Variants in BCHE observed in about 807,000 individuals in gnomAD.
The protein encoded by BCHE is butyrylcholinesterase.
In BCHE, 48 loss-of-function variants were observed where a neutral mutation model predicts 51.3. That is an observed-to-expected ratio of 0.94 (90% CI 0.74 to 1.19). The LOEUF (loss-of-function observed/expected upper bound fraction) is 1.19, where lower values mean the gene tolerates loss of function less well. Among genes scored for constraint, BCHE ranks in the 50% most tolerant of loss-of-function variants. BCHE has a pLI of 0.00. For missense variants in BCHE, 847 were observed against 708.2 expected (o/e 1.20, Z -2.23); for synonymous variants, 251 against 238.0 (o/e 1.05, Z -0.50).
chr3:165,794,790 C>A (rs1713307411), intron 2 of BCHE, among the ~76,000 whole-genome samples: 1 of 152,092 alleles, frequency 6.6e-6, no homozygotes, highest in Non-Finnish European at 1.5e-5. Context: ...GTGTTTGCAT[C>A]TCTGTATTCT....
chr3:165,785,785 C>A (rs1350437915), intron 3 of BCHE, among the ~76,000 whole-genome samples: 1 of 151,546 alleles, frequency 6.6e-6, no homozygotes, highest in Admixed American at 6.6e-5. Flanking sequence ...TAGTTCCATA[C>A]ATTATGATTA....
intron 2 of BCHE, chr3:165,828,024 A>C (rs756450299): frequency 4.4e-6 from 2 of 456,002 alleles, no homozygotes; most frequent in Non-Finnish European, 8.8e-6. Flanking sequence ...TCAAAACCAC[A>C]GGTTCTGTTT....
intron 1 of BCHE, among the ~76,000 whole-genome samples, chr3:165,831,874 T>C (rs774280138): frequency 2.0e-5 from 3 of 152,206 alleles, no homozygotes; most frequent in Non-Finnish European, 4.4e-5. Flanking sequence ...TGGGAGAAGA[T>C]TGTGGCTTAA....
At chr3:165,810,256 A>G (rs1056632261) in intron 2 of BCHE, among the ~76,000 whole-genome samples, 4 of 152,118 alleles carry the variant, frequency 2.6e-5, no homozygotes, top group African/African-American at 9.7e-5. Flanking sequence ...CTTCTGTTCA[A>G]GTTGTGATAT....
At chr3:165,801,867 G>T (rs1713663185) in intron 2 of BCHE, among the ~76,000 whole-genome samples, 6 of 152,064 alleles carry the variant, frequency 3.9e-5, no homozygotes, top group Admixed American at 3.9e-4. Context: ...CTTATACATG[G>T]TGATTCATAT....
chr3:165,828,749 A>G (rs1397750558), intron 2 of BCHE, among the ~76,000 whole-genome samples: 1 of 152,026 alleles, frequency 6.6e-6, no homozygotes, highest in Non-Finnish European at 1.5e-5. Flanking sequence ...AAACTACTTT[A>G]TTTTCTATAG....
intron 2 of BCHE, among the ~76,000 whole-genome samples, chr3:165,828,839 A>T (rs1445986122): frequency 6.6e-6 from 1 of 152,118 alleles, no homozygotes; most frequent in Non-Finnish European, 1.5e-5. Flanking sequence ...CAATACTTAT[A>T]ATATATGGGG....
intron 3 of BCHE, among the ~76,000 whole-genome samples, chr3:165,783,447 A>G (rs747434166): frequency 1.3e-4 from 20 of 152,108 alleles, no homozygotes; most frequent in Admixed American, 4.6e-4. Context: ...TATTAAGACA[A>G]TAAACTAGTT....
At chr3:165,835,651 AT>A (rs554075964) in intron 1 of BCHE, among the ~76,000 whole-genome samples, 621 of 152,028 alleles carry the variant, frequency 4.1e-3, no homozygotes, top group African/African-American at 0.014. Flanking sequence ...AGGAAGTCTG[AT>A]TATAAATAGA....
chr3:165,830,621 A>G lies in BCHE; in HGVS notation c.413T>C (p.Leu138Ser). The part of the protein sequence containing the change: ...PAPKPKNATV[L>S]IWIYGGGFQT... ...AAAACCACCACCATAAATCCATATCAATACAGTGGCATTTTTTGGTTTAGG... is the reference window on the plus strand; with the variant it reads ...AAAACCACCACCATAAATCCATATCGATACAGTGGCATTTTTTGGTTTAGG... The change falls in exon 2 of 4, where the codon TTG becomes TCG. Residue 138 changes from leucine to serine, a missense_variant. Coordinates refer to ENST00000264381, the MANE Select transcript of BCHE (RefSeq NM_000055.4). 6.2e-7 allele frequency: 1 copy of G among 1,613,996 alleles called. No homozygotes were observed. The highest frequency in any genetic ancestry group is 2.2e-5 in the East Asian group (1 of 44,862).
At chr3:165,790,388 G>T (rs1294655942) in intron 2 of BCHE, among the ~76,000 whole-genome samples, 3 of 152,110 alleles carry the variant, frequency 2.0e-5, no homozygotes, top group Non-Finnish European at 4.4e-5. Flanking sequence ...GAGAAGTTTT[G>T]CATTTGGAAC....
chr3:165,791,989 A>AAAATAAAATAAAAT (rs1713187470), intron 2 of BCHE, among the ~76,000 whole-genome samples: 1 of 140,164 alleles, frequency 7.1e-6, no homozygotes, highest in African/African-American at 2.7e-5. Flanking sequence ...AAAATAAAAT[A>AAAATAAAATAAAAT]AAGAGTTCAC....
chr3:165,827,277 C>G (rs899728433), intron 2 of BCHE, among the ~76,000 whole-genome samples: 1 of 152,024 alleles, frequency 6.6e-6, no homozygotes, highest in African/African-American at 2.4e-5. Flanking sequence ...CAAATATCGT[C>G]TGCAAATAAA....
intron 2 of BCHE, among the ~76,000 whole-genome samples, chr3:165,800,388 T>A (rs1032134650): frequency 6.6e-6 from 1 of 152,146 alleles, no homozygotes; most frequent in Admixed American, 6.5e-5. Context: ...CAGGCCCTAC[T>A]AGAATTCCAG....
chr3:165,795,171 A>G (rs1274713962), intron 2 of BCHE, among the ~76,000 whole-genome samples: 1 of 152,176 alleles, frequency 6.6e-6, no homozygotes, highest in African/African-American at 2.4e-5. Context: ...TGTAAATATT[A>G]ATCTTCTAAA....
chr3:165,823,467 T>A (rs1714604270), intron 2 of BCHE, among the ~76,000 whole-genome samples: 1 of 152,002 alleles, frequency 6.6e-6, no homozygotes, highest in Non-Finnish European at 1.5e-5. Context: ...AGAAACTGGA[T>A]AATGGGCAAT....
intron 1 of BCHE, among the ~76,000 whole-genome samples, chr3:165,835,557 T>C (rs1253288839): frequency 6.6e-6 from 1 of 151,884 alleles, no homozygotes; most frequent in Non-Finnish European, 1.5e-5. Flanking sequence ...CTCTTAAATG[T>C]ATTTGAAGAA....
chr3:165,824,266 A>C (rs1373280182), intron 2 of BCHE, among the ~76,000 whole-genome samples: 1 of 151,928 alleles, frequency 6.6e-6, no homozygotes, highest in Non-Finnish European at 1.5e-5. Context: ...GATTGTTTTA[A>C]TATAATTCAC....
chr3:165,789,221 C>G (rs1473964613), intron 2 of BCHE, among the ~76,000 whole-genome samples: 2 of 151,994 alleles, frequency 1.3e-5, no homozygotes, highest in African/African-American at 4.8e-5. Flanking sequence ...TACCAAAATG[C>G]TCTACAGATC....
Sources: allele counts gnomAD v4.1 joint callset (sites outside exome capture counted in the v4.1 genomes callset), GRCh38; gene constraint gnomAD v4.1.1; transcripts MANE v1.5; gene names NCBI Gene and HGNC (gene_info 2026-07-23, HGNC 2026-07-21).